Variants in CMYA5 observed in about 807,000 individuals in gnomAD.
CMYA5 encodes cardiomyopathy associated 5.
CMYA5 carries 246 observed loss-of-function variants against 318.9 expected under a neutral mutation model. That is an observed-to-expected ratio of 0.77 (90% CI 0.70 to 0.86). The LOEUF is 0.86. Among genes scored for constraint, CMYA5 ranks in the 40% least tolerant of loss-of-function variants. The probability of loss-of-function intolerance (pLI) is 0.00; values close to 1 mark genes in which losing one functional copy is unlikely to be tolerated. For synonymous variants in CMYA5, 1,641 were observed against 1,729.5 expected (o/e 0.95, Z 1.27); for missense variants, 4,589 against 4,678.2 (o/e 0.98, Z 0.56).
At position 79,731,448 on chromosome 5, in the gene CMYA5, C is replaced by T; in HGVS notation, c.2683C>T (p.Pro895Ser). 1.9e-6 allele frequency: 3 copies of T among 1,611,408 alleles called. No homozygotes were observed. The highest frequency in any genetic ancestry group is 2.5e-6 in the Non-Finnish European group (3 of 1,178,418). Residue 895 changes from proline (P) to serine (S), a missense_variant, in exon 2 of 13, where the codon CCC becomes TCC. Physicochemically the swap from Pro to Ser is moderately conservative, Grantham distance 74. Around this residue, in one of 3 missense-constraint regions of CMYA5, gnomAD observed 2,132 missense variants for 2,131.3 expected, o/e 1.00. Transcript: ENST00000446378. Reference sequence around the variant, plus strand: ...GGCAGTCGAGTTGGAACGATACACACCCTCTTCTACATCTGCTTCTGAATT... The same window carrying T: ...GGCAGTCGAGTTGGAACGATACACATCCTCTTCTACATCTGCTTCTGAATT... Reference protein sequence around the residue: ...EEAVELERYTPSSTSASEFSV... With the variant: ...EEAVELERYTSSSTSASEFSV...
chr5:79,777,490 G>A (rs572916243), intron 9 of CMYA5, among the ~76,000 whole-genome samples: 1 of 152,240 alleles, frequency 6.6e-6, no homozygotes, highest in South Asian at 2.1e-4. Context: ...AAAAATTTTA[G>A]GCCAGGTGTG....
chr5:79,731,476 CA>C lies in CMYA5; in HGVS notation c.2712del (p.Val905TyrfsTer19). The C allele has an allele frequency of 6.2e-7, 1 of 1,607,676 alleles. No individual in the cohort carries two copies. Among genetic ancestry groups the C allele is most frequent in the Non-Finnish European group, 8.5e-7 (1 of 1,176,462 alleles). On this transcript the variant is annotated frameshift_variant, in exon 2 of 13. Transcript: ENST00000446378. LOFTEE classifies it high-confidence loss of function. ...TPSSTSASEF[S>X]VPPYATPEAQ... ...TCTTCTACATCTGCTTCTGAATTTT[CA>C]GTACCACCATATGCAACACCGGAGG... is the stretch of plus-strand genomic sequence containing the variant.
At chr5:79,764,846 T>TC (rs1487963634) in intron 9 of CMYA5, among the ~76,000 whole-genome samples, 1 of 152,224 alleles carries the variant, frequency 6.6e-6, no homozygotes, top group African/African-American at 2.4e-5. Context: ...GGTTTTTTTT[T>TC]CTTGTAAATT....
In CMYA5 at chr5:79,722,145, T is replaced by G. The variant is rs750414747; in HGVS notation, c.150-6770T>G. On this transcript the variant is annotated intron_variant, in intron 1 of 12. Transcript: ENST00000446378. ...ATCACAATGCAATTAAACTAGAAAG[T>G]AAACAAAAAGATAACTAGGAAATCC... 8.8e-4 allele frequency among the ~76,000 whole-genome samples: 134 copies of G among 152,078 alleles called. 1 individual carries two copies. The highest frequency in any genetic ancestry group is 3.6e-3 in the Admixed American group (55 of 15,262).
intron 1 of CMYA5, among the ~76,000 whole-genome samples, chr5:79,718,785 C>T (rs1384457851): frequency 6.6e-6 from 1 of 152,084 alleles, no homozygotes; most frequent in East Asian, 1.9e-4. Context: ...GATTATAATG[C>T]CATATTTTAC....
chr5:79,799,270 G>A, intron 12 of CMYA5, 100 bp from the exon 13 acceptor site: 2 of 1,201,718 alleles, frequency 1.7e-6, no homozygotes, highest in Non-Finnish European at 1.2e-6. Flanking sequence ...ATTGTGAAGT[G>A]GAGTTAATAA....
intron 1 of CMYA5, among the ~76,000 whole-genome samples, chr5:79,706,995 T>C (rs1237517870): frequency 6.6e-6 from 1 of 152,212 alleles, no homozygotes; most frequent in Non-Finnish European, 1.5e-5. Flanking sequence ...ATAACTCTTC[T>C]TAGTTTTTTT....
At position 79,734,916 on chromosome 5, in the gene CMYA5, CCAGTGTCTGGCCTAT is replaced by C; in HGVS notation, c.6157_6171del (p.Ser2053_Val2057del). The C allele has an allele frequency of 6.2e-7, 1 of 1,613,826 alleles. No individual in the cohort carries two copies. The highest frequency in any genetic ancestry group is 1.1e-5 in the South Asian group (1 of 91,070). On this transcript the variant is annotated inframe_deletion, in exon 2 of 13. Coordinates refer to ENST00000446378, the MANE Select transcript of CMYA5 (RefSeq NM_153610.5). ...ACCTCCTGAAAGATTCTTCCAGAAA[CCAGTGTCTGGCCTAT>C]CAGTGGAACAGGTGAAGTCAGAAAC...
Position 79,738,473 on chromosome 5 carries a change from A to G in CMYA5, c.9708A>G (p.Ile3236Met). ...RNSDTDDGTG[I>M]YFEKYILKDD... ...CTGACACTGATGATGGAACAGGAAT[A>G]TATTTTGAGAAGTACATACTCAAAG... Residue 3236 changes from isoleucine to methionine, a missense_variant, in exon 2 of 13, where the codon ATA (isoleucine) becomes ATG (methionine). Ile to Met is a conservative substitution (Grantham distance 10). Around this residue, in one of 3 missense-constraint regions of CMYA5, gnomAD observed 2,431 missense variants for 2,495.1 expected, o/e 0.97. Coordinates refer to ENST00000446378, the MANE Select transcript of CMYA5 (RefSeq NM_153610.5). The G allele has an allele frequency of 6.2e-7, 1 of 1,613,752 alleles. No individual in the cohort carries two copies. Among genetic ancestry groups the G allele is most frequent in the Non-Finnish European group, 8.5e-7 (1 of 1,179,868 alleles).
chr5:79,762,832 A>G, intron 8 of CMYA5: 1 of 496,866 alleles, frequency 2.0e-6, no homozygotes, highest in East Asian at 3.1e-5. Flanking sequence ...GGAAGCTACT[A>G]TTAGGGGCTG....
intron 1 of CMYA5, among the ~76,000 whole-genome samples, chr5:79,690,329 A>G (rs1826942298): frequency 6.6e-6 from 1 of 152,150 alleles, no homozygotes; most frequent in African/African-American, 2.4e-5. Context: ...TAGGTCCTGC[A>G]TAACTGCCGA....
chr5:79,712,650 CA>C (rs1291038006), intron 1 of CMYA5, among the ~76,000 whole-genome samples: 8 of 151,968 alleles, frequency 5.3e-5, no homozygotes, highest in Non-Finnish European at 1.2e-4. Flanking sequence ...TTATTATTTT[CA>C]AGGCTACAAT....
chr5:79,743,464 C>T (rs946943482), intron 2 of CMYA5, among the ~76,000 whole-genome samples: 3 of 152,164 alleles, frequency 2.0e-5, no homozygotes, highest in East Asian at 1.9e-4. Context: ...CAAAAAGACT[C>T]CTCTCTCAGA....
intron 1 of CMYA5, among the ~76,000 whole-genome samples, chr5:79,692,075 C>T (rs1447477405): frequency 6.6e-6 from 1 of 152,086 alleles, no homozygotes; most frequent in African/African-American, 2.4e-5. Context: ...GCAGATGAAG[C>T]CTCCAGGTAG....
rs376402768 is a variant in CMYA5, at chr5:79,730,474, C to G, written c.1709C>G (p.Ser570Ter). 119 of 1,613,784 alleles carry G rather than the reference C, an allele frequency of 7.4e-5. No individual in the cohort carries two copies. The highest frequency in any genetic ancestry group is 9.5e-5 in the Non-Finnish European group (112 of 1,179,888). ...CTTATTCTACCATTATTGGCAGCAT[C>G]ATCTCCTGAACATGTTGCTTTGTCT... ...EELILPLLAA[S>*]SPEHVALSEE... is the part of the protein sequence containing the mutation. The change falls in exon 2 of 13, where the codon TCA becomes TGA. Residue 570 changes from serine to a stop codon, truncating the protein, a stop_gained. Transcript: ENST00000446378. LOFTEE classifies it high-confidence loss of function.
chr5:79,746,678 A>T (rs1235520489), intron 4 of CMYA5, among the ~76,000 whole-genome samples: 1 of 152,126 alleles, frequency 6.6e-6, no homozygotes. Context: ...TTTGATCTCT[A>T]TCCTTCATTG....
At chr5:79,767,112 T>G (rs1449219451) in intron 9 of CMYA5, among the ~76,000 whole-genome samples, 1 of 152,246 alleles carries the variant, frequency 6.6e-6, no homozygotes, top group Non-Finnish European at 1.5e-5. Flanking sequence ...TATAGTATTC[T>G]CTGATGGTAG....
At chr5:79,725,700 C>T (rs77767215) in intron 1 of CMYA5, among the ~76,000 whole-genome samples, 9,980 of 152,248 alleles carry the variant, frequency 0.066, 489 homozygotes, top group East Asian at 0.25. Context: ...GCCAGAAGTT[C>T]GAGGCCAGCC....
intron 9 of CMYA5, among the ~76,000 whole-genome samples, chr5:79,777,805 T>TA (rs397762469): frequency 2.6e-5 from 4 of 151,688 alleles, no homozygotes; most frequent in South Asian, 2.1e-4. Context: ...AATTTTTTTT[T>TA]AAGTTTTATT....
Sources: allele counts gnomAD v4.1 joint callset (sites outside exome capture counted in the v4.1 genomes callset), GRCh38; gene constraint gnomAD v4.1.1; regional missense constraint gnomAD v4.1.1; transcripts MANE v1.5; gene names NCBI Gene and HGNC (gene_info 2026-07-23, HGNC 2026-07-21).